The following SAMMSON variants were observed in gnomAD, a reference collection of about 807,000 sequenced individuals.
SAMMSON encodes the protein long intergenic non-protein coding RNA 1212.
intron 4 of SAMMSON, among the ~76,000 whole-genome samples, chr3:70,114,872 T>C (rs941823255): frequency 1.3e-5 from 2 of 152,186 alleles, no homozygotes; most frequent in African/African-American, 2.4e-5. Context: ...ATTTAAGATA[T>C]AGCTTCCTTT....
intron 2 of SAMMSON, among the ~76,000 whole-genome samples, chr3:70,427,020 G>A (rs767772228): frequency 3.3e-5 from 5 of 152,204 alleles, no homozygotes; most frequent in Non-Finnish European, 1.5e-5. Context: ...GATATTGATA[G>A]TTTGTGAATA....
intron 2 of SAMMSON, among the ~76,000 whole-genome samples, chr3:70,405,228 C>A (rs1044209762): frequency 1.3e-5 from 2 of 152,158 alleles, no homozygotes; most frequent in African/African-American, 4.8e-5. Context: ...TATCCTAGAC[C>A]TTCCCTACCA....
chr3:70,162,185 T>G (rs761184298), intron 4 of SAMMSON, among the ~76,000 whole-genome samples: 4 of 151,850 alleles, frequency 2.6e-5, no homozygotes, highest in Non-Finnish European at 5.9e-5. Context: ...TGCCTTGGGC[T>G]TAATTTCTTC....
At chr3:70,019,972 C>T (rs2067004991) in intron 3 of SAMMSON, among the ~76,000 whole-genome samples, 1 of 152,112 alleles carries the variant, frequency 6.6e-6, no homozygotes, top group Non-Finnish European at 1.5e-5. Context: ...TGAAGAAATG[C>T]TTCTTCAAGT....
rs567028229 is a variant in SAMMSON, at chr3:70,183,417, G to A, written n.508-65690G>A. On this transcript the variant is annotated intron_variant and non_coding_transcript_variant, in intron 4 of 9. Transcript: ENST00000642114. Reference sequence around the variant, plus strand: ...TAATCCTGATGCTTCAAAGAGAAGAGTTGGAACACAGTCCTTTTTTCTAAA... The same window carrying A: ...TAATCCTGATGCTTCAAAGAGAAGAATTGGAACACAGTCCTTTTTTCTAAA... 4.6e-5 allele frequency: 7 copies of A among 152,250 alleles called. 1 individual carries two copies. The South Asian group carries it at 1.5e-3, about 32-fold the overall frequency. The allele number at this position is 152,250 out of a possible 1,614,324, so 9.4% of individuals were successfully genotyped here.
Position 70,376,805 on chromosome 3 carries a change from A to T in SAMMSON, n.914-12769A>T, listed in dbSNP as rs565225555. Among the ~76,000 whole-genome samples the T allele has an allele frequency of 6.6e-5, 10 of 152,292 alleles. No homozygotes were observed. The East Asian group carries it at 1.5e-3, about 23-fold the overall frequency. ...AGAAATGTCATATTGTTAATTTTTTAAAATATTTCCTTTTGGTCTTTTTCT... is the reference window on the plus strand; with the variant it reads ...AGAAATGTCATATTGTTAATTTTTTTAAATATTTCCTTTTGGTCTTTTTCT... On this transcript the variant is annotated intron_variant and non_coding_transcript_variant, in intron 9 of 9. Coordinates refer to ENST00000642114, the Ensembl canonical transcript of SAMMSON.
chr3:70,102,545 C>G (rs1357514948), intron 4 of SAMMSON, among the ~76,000 whole-genome samples: 1 of 152,136 alleles, frequency 6.6e-6, no homozygotes, highest in Non-Finnish European at 1.5e-5. Flanking sequence ...CCACTTCTTT[C>G]CCAGATTTTT....
At chr3:70,232,385 A>T (rs1281896911) in intron 4 of SAMMSON, among the ~76,000 whole-genome samples, 3 of 151,286 alleles carry the variant, frequency 2.0e-5, no homozygotes, top group Non-Finnish European at 2.9e-5. Context: ...ATGTGGCTGG[A>T]CACAATGATG....
chr3:70,234,896 G>T (rs534275840), intron 4 of SAMMSON, among the ~76,000 whole-genome samples: 9 of 152,206 alleles, frequency 5.9e-5, no homozygotes, highest in African/African-American at 2.2e-4. Flanking sequence ...TTTAAACGCT[G>T]CCTTGGACAT....
At chr3:70,337,136 TTAA>T (rs1164417695) in intron 7 of SAMMSON, among the ~76,000 whole-genome samples, 1 of 74,940 alleles carries the variant, frequency 1.3e-5, no homozygotes, top group African/African-American at 4.5e-5. Flanking sequence ...AATATCTAAC[TTAA>T]TATTATTATT....
chr3:70,195,331 G>A (rs558317834), intron 4 of SAMMSON, among the ~76,000 whole-genome samples: 5 of 152,210 alleles, frequency 3.3e-5, no homozygotes, highest in East Asian at 3.9e-4. Flanking sequence ...TTCATGCTCC[G>A]TGGTTTGTGA....
At chr3:70,348,492 G>A (rs1450677020) in intron 7 of SAMMSON, among the ~76,000 whole-genome samples, 2 of 152,234 alleles carry the variant, frequency 1.3e-5, no homozygotes, top group Non-Finnish European at 2.9e-5. Flanking sequence ...GAGAGAGAGA[G>A]AGAGCTCTAG....
intron 3 of SAMMSON, among the ~76,000 whole-genome samples, chr3:70,038,510 C>T (rs2067094793): frequency 6.6e-6 from 1 of 152,080 alleles, no homozygotes; most frequent in Non-Finnish European, 1.5e-5. Flanking sequence ...ACTACCCAGT[C>T]TCAGGTATTT....
chr3:70,110,140 AG>A (rs1388820775), intron 4 of SAMMSON, among the ~76,000 whole-genome samples: 2 of 152,168 alleles, frequency 1.3e-5, no homozygotes, highest in African/African-American at 4.8e-5. Flanking sequence ...ACTTTCTTTG[AG>A]GTGGTGAATT....
intron 4 of SAMMSON, chr3:70,196,905 G>A (rs556241083): frequency 2.5e-6 from 1 of 398,452 alleles, no homozygotes; most frequent in Admixed American, 4.4e-5. Flanking sequence ...AGGACTGCCG[G>A]AATGTGGTTA....
Position 70,018,026 on chromosome 3 carries a change from G to T in SAMMSON, n.417+4354G>T, listed in dbSNP as rs962041898. On this transcript the variant is annotated intron_variant and non_coding_transcript_variant, in intron 3 of 9. Coordinates refer to ENST00000642114, the Ensembl canonical transcript of SAMMSON. Reference sequence around the variant, plus strand: ...GATTTTTGCATCGATGTTCATCAGGGATATTGGTCTAAAATTCTCTTTTTT... The same window carrying T: ...GATTTTTGCATCGATGTTCATCAGGTATATTGGTCTAAAATTCTCTTTTTT... Among the ~76,000 whole-genome samples, 8 of 152,118 alleles carry T rather than the reference G, an allele frequency of 5.3e-5. No individual in the cohort carries two copies. The South Asian group carries it at 1.7e-3, about 31-fold the overall frequency.
intron 3 of SAMMSON, among the ~76,000 whole-genome samples, chr3:70,054,392 CCA>C (rs1259203597): frequency 1.3e-5 from 2 of 152,164 alleles, no homozygotes; most frequent in South Asian, 2.1e-4. Flanking sequence ...ATTTGGTTCT[CCA>C]AATAATTCCT....
chr3:70,063,733 T>C (rs1006092813), intron 3 of SAMMSON, among the ~76,000 whole-genome samples: 2 of 152,106 alleles, frequency 1.3e-5, no homozygotes, highest in African/African-American at 4.8e-5. Context: ...GGAGAGTGGT[T>C]CAGAGCATGA....
At chr3:70,026,771 A>T (rs908238459) in intron 3 of SAMMSON, among the ~76,000 whole-genome samples, 1 of 152,198 alleles carries the variant, frequency 6.6e-6, no homozygotes, top group African/African-American at 2.4e-5. Context: ...AGCAATGTCA[A>T]CCTACTTGGT....
Sources: gnomAD v4.1 joint callset for allele counts (sites outside exome capture counted in the v4.1 genomes callset) on GRCh38, gnomAD v4.1.1 for gene constraint, MANE v1.5 for transcripts, NCBI Gene and HGNC (gene_info 2026-07-23, HGNC 2026-07-21) for gene names.